EXOC4: variants seen among roughly 807,000 people sequenced by gnomAD.
EXOC4 encodes SEC8-like 1.
Under a neutral mutation model 107.2 loss-of-function variants are expected in EXOC4, and 71 were observed. That is an observed-to-expected ratio of 0.66 (90% CI 0.55 to 0.81). The LOEUF is 0.81. Ranked by LOEUF, EXOC4 falls within the 30% of genes least tolerant of loss-of-function variation. The pLI is 0.00. For synonymous variants in EXOC4, 456 were observed against 441.2 expected (o/e 1.03, Z -0.42); for missense variants, 1,108 against 1,189.6 (o/e 0.93, Z 1.01).
chr7:134,071,637 A>ATC, the EXOC4 span, among the ~76,000 whole-genome samples: 8 of 152,280 alleles, frequency 5.3e-5, 1 homozygote, highest in East Asian at 1.5e-3. Context: ...TGCCCTTCTT[A>ATC]TCTCCTCAGG....
At chr7:133,622,371 G>A (rs886646898) in intron 9 of EXOC4, among the ~76,000 whole-genome samples, 5 of 152,140 alleles carry the variant, frequency 3.3e-5, no homozygotes, top group Admixed American at 6.5e-5. Context: ...TTTTCTTGAA[G>A]GTTGCAAACC....
chr7:133,806,520 A>G (rs1313431990), intron 10 of EXOC4, among the ~76,000 whole-genome samples: 1 of 152,204 alleles, frequency 6.6e-6, no homozygotes, highest in Non-Finnish European at 1.5e-5. Flanking sequence ...TCAAATGCTT[A>G]TATTTAGTAA....
At position 133,258,870 on chromosome 7, in the gene EXOC4, A is replaced by C. The variant is rs141140440; in HGVS notation, c.86+5683A>C. 4.1e-3 allele frequency among the ~76,000 whole-genome samples: 629 copies of C among 152,290 alleles called. 6 individuals carry two copies. The highest frequency in any genetic ancestry group is 9.7e-3 in the Admixed American group (148 of 15,294). On this transcript the variant is annotated intron_variant, in intron 1 of 17. Transcript: ENST00000253861. ...CATGTATGGTTATGTGTGTATGTAA[A>C]ACATGTAAAATATAAACACACATAA...
intron 5 of EXOC4, among the ~76,000 whole-genome samples, chr7:133,338,614 AAAAAAAAAAT>A (rs1795580695): frequency 6.7e-6 from 1 of 149,432 alleles, no homozygotes; most frequent in African/African-American, 2.5e-5. Flanking sequence ...AAAAAAAAAA[AAAAAAAAAAT>A]TTTTATTTCA....
chr7:134,025,501 T>C (rs761172493), intron 17 of EXOC4, among the ~76,000 whole-genome samples: 8 of 152,170 alleles, frequency 5.3e-5, no homozygotes, highest in Non-Finnish European at 7.4e-5. Context: ...GGGGCCCAGC[T>C]GTAAGGTTCT....
chr7:133,854,298 G>A (rs534198799), intron 11 of EXOC4, among the ~76,000 whole-genome samples: 3 of 151,940 alleles, frequency 2.0e-5, no homozygotes, highest in Non-Finnish European at 4.4e-5. Context: ...CCATACCTTC[G>A]AGACCAAGGA....
intron 5 of EXOC4, among the ~76,000 whole-genome samples, chr7:133,342,016 T>G (rs1054078811): frequency 2.6e-5 from 4 of 152,218 alleles, no homozygotes; most frequent in African/African-American, 9.6e-5. Context: ...CGTGGAGCGT[T>G]TAGGCCATTT....
At chr7:133,860,343 A>G (rs978086778) in intron 11 of EXOC4, among the ~76,000 whole-genome samples, 1 of 152,206 alleles carries the variant, frequency 6.6e-6, no homozygotes, top group Non-Finnish European at 1.5e-5. Flanking sequence ...ATTTCTACAT[A>G]TTACACTGTC....
intron 9 of EXOC4, among the ~76,000 whole-genome samples, chr7:133,517,580 C>T (rs1349520998): frequency 6.6e-6 from 1 of 152,064 alleles, no homozygotes; most frequent in African/African-American, 2.4e-5. Flanking sequence ...CTCACATGGC[C>T]ACAGATGAGA....
At chr7:133,721,851 A>G (rs1369780043) in intron 10 of EXOC4, among the ~76,000 whole-genome samples, 1 of 152,212 alleles carries the variant, frequency 6.6e-6, no homozygotes, top group Non-Finnish European at 1.5e-5. Flanking sequence ...TATTCTGGCT[A>G]CTATTTTTGT....
At chr7:133,292,937 ATTTG>A (rs1385727907) in intron 3 of EXOC4, among the ~76,000 whole-genome samples, 7 of 152,082 alleles carry the variant, frequency 4.6e-5, no homozygotes, top group African/African-American at 1.4e-4. Context: ...CTGGTTATTT[ATTTG>A]TTTATTTATT....
intron 7 of EXOC4, among the ~76,000 whole-genome samples, chr7:133,425,597 T>C (rs1797706863): frequency 6.6e-6 from 1 of 152,174 alleles, no homozygotes; most frequent in South Asian, 2.1e-4. Flanking sequence ...CAAGACACTC[T>C]TATCATTTAA....
intron 2 of EXOC4, among the ~76,000 whole-genome samples, chr7:133,279,063 TGTG>T (rs1794068163): frequency 6.6e-6 from 1 of 150,750 alleles, no homozygotes; most frequent in Non-Finnish European, 1.5e-5. Flanking sequence ...AGTGAGAACA[TGTG>T]GTGTTTGGTT....
At chr7:133,899,512 C>T (rs909984105) in intron 12 of EXOC4, among the ~76,000 whole-genome samples, 4 of 152,188 alleles carry the variant, frequency 2.6e-5, no homozygotes, top group African/African-American at 9.6e-5. Flanking sequence ...TAGTTCTTTT[C>T]TCTGAATGAT....
chr7:133,806,797 T>C (rs1445191786), intron 10 of EXOC4, among the ~76,000 whole-genome samples: 2 of 152,166 alleles, frequency 1.3e-5, no homozygotes, highest in African/African-American at 4.8e-5. Flanking sequence ...AAAGTAACTT[T>C]GCCTTTCTGT....
chr7:133,434,741 A>G (rs1797929502), intron 7 of EXOC4, among the ~76,000 whole-genome samples: 1 of 152,212 alleles, frequency 6.6e-6, no homozygotes, highest in African/African-American at 2.4e-5. Flanking sequence ...CCGGACTGAA[A>G]TGAGGTGCCT....
intron 8 of EXOC4, among the ~76,000 whole-genome samples, chr7:133,477,351 T>C (rs1799041747): frequency 6.6e-6 from 1 of 152,180 alleles, no homozygotes; most frequent in South Asian, 2.1e-4. Context: ...ACCTCTGATC[T>C]TTTGACTATC....
rs115121178 is a variant in EXOC4, at chr7:133,854,620, A to G, written c.1734+37076A>G. Among the ~76,000 whole-genome samples the G allele has an allele frequency of 2.4e-3, 364 of 152,034 alleles. 5 individuals are homozygous for G. Among genetic ancestry groups the G allele is most frequent in the African/African-American group, 8.2e-3 (341 of 41,460 alleles). On this transcript the variant is annotated intron_variant, in intron 11 of 17. Coordinates refer to ENST00000253861, the MANE Select transcript of EXOC4 (RefSeq NM_021807.4). ...TTCACTCCTTTAATCCACTCAGCAG[A>G]TATTTTATTTTTAAAACACAAGCAC...
chr7:133,762,363 G>A (rs1027354686), intron 10 of EXOC4, among the ~76,000 whole-genome samples: 3 of 152,066 alleles, frequency 2.0e-5, no homozygotes, highest in African/African-American at 7.2e-5. Context: ...AATGGCTGGT[G>A]AATATATAAG....
Sources: allele counts gnomAD v4.1 joint callset (sites outside exome capture counted in the v4.1 genomes callset), GRCh38; gene constraint gnomAD v4.1.1; transcripts MANE v1.5; gene names NCBI Gene and HGNC (gene_info 2026-07-23, HGNC 2026-07-21).